The following LMO3 variants were observed in gnomAD, a reference collection of about 807,000 sequenced individuals.
LMO3 encodes LIM domain only protein 3.
In LMO3, 2 loss-of-function variants were observed where a neutral mutation model predicts 15.8. The ratio of observed to expected loss-of-function variants is 0.13; its 90% CI spans 0.05 to 0.40. The LOEUF is 0.40. LMO3 is among the 10% of genes least tolerant of loss of function. LMO3 has a pLI of 0.99. For synonymous variants in LMO3, 62 were observed against 63.8 expected, an observed-to-expected ratio of 0.97 and a Z score of 0.13; for missense variants, 86 against 182.2, an observed-to-expected ratio of 0.47 and a Z score of 3.04.
intron 2 of LMO3, among the ~76,000 whole-genome samples, chr12:16,572,413 T>C (rs1942847835): frequency 6.9e-6 from 1 of 145,868 alleles, no homozygotes; most frequent in African/African-American, 2.5e-5. Flanking sequence ...TTAGAATGTG[T>C]ATCTATCTTC....
intron 2 of LMO3, among the ~76,000 whole-genome samples, chr12:16,573,145 A>G (rs898952440): frequency 6.6e-5 from 10 of 152,122 alleles, no homozygotes; most frequent in African/African-American, 1.9e-4. Context: ...AGGAAAAAAC[A>G]TTAAATAAAT....
At chr12:16,554,312 C>G (rs1012820799) in intron 3 of LMO3, among the ~76,000 whole-genome samples, 1 of 152,194 alleles carries the variant, frequency 6.6e-6, no homozygotes, top group South Asian at 2.1e-4. Context: ...CATCTTCTTT[C>G]CCTAATGTTA....
Position 16,549,041 on chromosome 12 carries a change from A to C in LMO3, c.*2181T>G, listed in dbSNP as rs1269558288. The C allele has an allele frequency of 1.3e-5, 2 of 152,134 alleles. No individual in the cohort carries two copies. Among genetic ancestry groups the C allele is most frequent in the East Asian group, 3.9e-4 (2 of 5,180 alleles). 9.4% of individuals were successfully genotyped at this position (152,134 alleles called of 1,614,324 possible). ...TTTGACATATAGATAAACAAAAGCA[A>C]AACCAGTTAAACCTTAAAAGATCAT... On this transcript the variant is annotated 3_prime_UTR_variant, in exon 4 of 4. Transcript: ENST00000537304.
At chr12:16,573,400 A>G (rs1280089433) in intron 2 of LMO3, 1 of 152,194 alleles carries the variant, frequency 6.6e-6, no homozygotes, top group African/African-American at 2.4e-5. Flanking sequence ...CGGCCCTGAA[A>G]AGACAACTTA....
In LMO3 at chr12:16,551,005, T is replaced by C. The variant is rs1277873915; in HGVS notation, c.*217A>G. On this transcript the variant is annotated 3_prime_UTR_variant, in exon 4 of 4. Coordinates refer to ENST00000537304, the MANE Select transcript of LMO3 (RefSeq NM_018640.5). Reference sequence around the variant, plus strand: ...TAGCAAGCAAAAAAATCCAGCCATATGTACATTACTTTTTTCTTTAATAAT... The same window carrying C: ...TAGCAAGCAAAAAAATCCAGCCATACGTACATTACTTTTTTCTTTAATAAT... The C allele has an allele frequency of 6.5e-6, 3 of 462,096 alleles. No homozygotes were observed. Among genetic ancestry groups the C allele is most frequent in the Non-Finnish European group, 1.2e-5 (3 of 257,480 alleles). The allele number at this position is 462,096 out of a possible 1,614,324, so 28.6% of individuals were successfully genotyped here.
At chr12:16,605,985 C>T in intron 1 of LMO3, 81 bp downstream of exon 1, 1 of 646,698 alleles carries the variant, frequency 1.5e-6, no homozygotes, top group Non-Finnish European at 2.7e-6. Context: ...AAAATACCCA[C>T]ATCCGCACAC....
rs772137178 is a variant in LMO3 at position 16,555,391 on chromosome 12, G to A, written c.333-4064C>T. 6.6e-6 allele frequency among the ~76,000 whole-genome samples: 1 copy of A among 152,100 alleles called. No individual in the cohort carries two copies. Among genetic ancestry groups the A allele is most frequent in the African/African-American group, 2.4e-5 (1 of 41,426 alleles). On this transcript the variant is annotated intron_variant, in intron 3 of 3. Coordinates refer to ENST00000537304, the MANE Select transcript of LMO3 (RefSeq NM_018640.5). The surrounding 1 kb of genome is among the most constrained non-coding windows in gnomAD (Gnocchi z 5.5). ...TGGTGTTTCAAAATTTCTCATGAAT[G>A]TGTAACTGGTTTGCCATTATAGTCA... is the stretch of plus-strand genomic sequence containing the variant.
chr12:16,605,818 C>T (rs560350154), intron 1 of LMO3: 7 of 1,535,516 alleles, frequency 4.6e-6, no homozygotes, highest in East Asian at 4.9e-5. Flanking sequence ...CAACATCTTC[C>T]GCCTGCATCT....
Position 16,591,198 on chromosome 12 carries a change from A to T in LMO3, c.206+9457T>A, listed in dbSNP as rs1943486315. On this transcript the variant is annotated intron_variant, in intron 2 of 3. Coordinates refer to ENST00000537304, the MANE Select transcript of LMO3 (RefSeq NM_018640.5). This position sits in a 1 kb window ranked among gnomAD's most constrained non-coding sequence, Gnocchi z 4.1. Reference sequence around the variant, plus strand: ...ATTCTTGCCCCTCCTGCTCTCCCACACCCCAGCTGCACTAGTATCTGTGAT... The same window carrying T: ...ATTCTTGCCCCTCCTGCTCTCCCACTCCCCAGCTGCACTAGTATCTGTGAT... 6.6e-6 allele frequency among the ~76,000 whole-genome samples: 1 copy of T among 151,624 alleles called. No homozygotes were observed. The highest frequency in any genetic ancestry group is 1.5e-5 in the Non-Finnish European group (1 of 67,884).
chr12:16,597,801 T>C lies in LMO3; in HGVS notation c.206+2854A>G, dbSNP rs1943705281. 6.6e-6 allele frequency: 1 copy of C among 151,958 alleles called. No individual in the cohort carries two copies. Among genetic ancestry groups the C allele is most frequent in the African/African-American group, 2.4e-5 (1 of 41,418 alleles). 9.4% of individuals were successfully genotyped at this position (151,958 alleles called of 1,614,324 possible). A position where few individuals can be genotyped will look rare whatever the true frequency, so the allele number is the denominator to read the frequency against. On this transcript the variant is annotated intron_variant, in intron 2 of 3. Transcript: ENST00000537304. This position sits in a 1 kb window ranked among gnomAD's most constrained non-coding sequence, Gnocchi z 5.0. ...AAAATAGAACTTAAGTGATTAAACATTGGTTATATAAAATACAAAATGGAA... is the reference window on the plus strand; with the variant it reads ...AAAATAGAACTTAAGTGATTAAACACTGGTTATATAAAATACAAAATGGAA...
At chr12:16,607,331 C>G (rs1944031711), upstream of LMO3, 4 of 152,158 alleles carry the variant, frequency 2.6e-5, no homozygotes, top group Admixed American at 2.6e-4. Context: ...CAGCCAACAG[C>G]ACTGAGAAAC....
At chr12:16,577,597 C>T (rs541666546) in intron 2 of LMO3, among the ~76,000 whole-genome samples, 11 of 152,220 alleles carry the variant, frequency 7.2e-5, no homozygotes, top group East Asian at 1.9e-4. Context: ...GTTCACAAAA[C>T]GTTTGTGGTA....
intron 1 of LMO3, 47 bp downstream of exon 1, chr12:16,606,019 C>G: frequency 1.7e-6 from 1 of 605,720 alleles, no homozygotes. Context: ...CGCAGACACA[C>G]ACACCACAAA....
rs1943346019 is a variant in LMO3, at chr12:16,587,124, G to A, written c.206+13531C>T. 6.6e-6 allele frequency among the ~76,000 whole-genome samples: 1 copy of A among 152,108 alleles called. No individual in the cohort carries two copies. Among genetic ancestry groups the A allele is most frequent in the East Asian group, 1.9e-4 (1 of 5,182 alleles). On this transcript the variant is annotated intron_variant, in intron 2 of 3. Transcript: ENST00000537304. This position sits in a 1 kb window ranked among gnomAD's most constrained non-coding sequence, Gnocchi z 4.3. ...ATGCCCACAAGGGTACTTGGACAAT[G>A]GCTTACATTTTAAATTATAGCAATT...
intron 2 of LMO3, among the ~76,000 whole-genome samples, chr12:16,562,695 T>C (rs1942446127): frequency 6.6e-6 from 1 of 152,240 alleles, no homozygotes. Context: ...CTGCCTGCTA[T>C]ACTGTGAACA....
intron 3 of LMO3, among the ~76,000 whole-genome samples, chr12:16,554,193 AT>A (rs1418601200): frequency 1.3e-5 from 2 of 152,194 alleles, no homozygotes; most frequent in Non-Finnish European, 2.9e-5. Flanking sequence ...TAAATAGTAA[AT>A]CATCCTTATA....
intron 2 of LMO3, among the ~76,000 whole-genome samples, chr12:16,575,067 T>C (rs1942950732): frequency 6.6e-6 from 1 of 152,184 alleles, no homozygotes; most frequent in African/African-American, 2.4e-5. Flanking sequence ...TGTTTATTTT[T>C]ACCTAGAAAA....
Position 16,560,574 on chromosome 12 carries a change from C to A in LMO3, c.207-36G>T. On this transcript the variant is annotated intron_variant, in intron 2 of 3. Coordinates refer to ENST00000537304, the MANE Select transcript of LMO3 (RefSeq NM_018640.5). The surrounding 1 kb of genome is among the most constrained non-coding windows in gnomAD (Gnocchi z 5.0). ...AAACATTTTTTTTTTTTTACAAACTCTTACAGAGAAATCTGAGATCGTGAA... is the reference window on the plus strand; with the variant it reads ...AAACATTTTTTTTTTTTTACAAACTATTACAGAGAAATCTGAGATCGTGAA... 1 of 1,580,968 alleles carries A rather than the reference C, an allele frequency of 6.3e-7. No homozygotes were observed. Among genetic ancestry groups the A allele is most frequent in the Non-Finnish European group, 8.6e-7 (1 of 1,157,464 alleles).
chr12:16,583,007 A>G lies in LMO3; in HGVS notation c.206+17648T>C, dbSNP rs113587415. ...GGTTGTAGTGAGCTGAGATCACTCC[A>G]CTGCACTCTAGCCTGGGTGACAGTG... On this transcript the variant is annotated intron_variant, in intron 2 of 3. Coordinates refer to ENST00000537304, the MANE Select transcript of LMO3 (RefSeq NM_018640.5). Among the ~76,000 whole-genome samples, 142 of 146,662 alleles carry G rather than the reference A, an allele frequency of 9.7e-4. No homozygotes were observed. In the Middle Eastern group the frequency reaches 0.011, roughly 12 times the overall value.
Sources: allele counts gnomAD v4.1 joint callset (sites outside exome capture counted in the v4.1 genomes callset), GRCh38; gene constraint gnomAD v4.1.1; non-coding constraint Gnocchi (gnomAD v3.1); transcripts MANE v1.5; gene names NCBI Gene and HGNC (gene_info 2026-07-23, HGNC 2026-07-21).